Variants in CSRNP3 observed in about 807,000 individuals in gnomAD.
CSRNP3 encodes cysteine and serine rich nuclear protein 3, also known as cysteine/serine-rich nuclear protein 3.
CSRNP3 carries 12 observed loss-of-function variants against 48.0 expected under a neutral mutation model. The observed-to-expected ratio is 0.25, with a 90% confidence interval of 0.16 to 0.41. The LOEUF is 0.41. Among genes scored for constraint, CSRNP3 ranks in the 10% least tolerant of loss-of-function variants. The pLI, the probability that CSRNP3 is intolerant of heterozygous loss-of-function variation, is 1.00. For synonymous variants in CSRNP3, 263 were observed against 269.7 expected, an observed-to-expected ratio of 0.98 and a Z score of 0.24; for missense variants, 580 against 724.4, an observed-to-expected ratio of 0.80 and a Z score of 2.29.
intron 3 of CSRNP3, among the ~76,000 whole-genome samples, chr2:165,545,565 T>A (rs1339248505): frequency 6.6e-6 from 1 of 152,068 alleles, no homozygotes; most frequent in African/African-American, 2.4e-5. Context: ...ATGGAAAATA[T>A]GTAGAGAGGT....
In CSRNP3 at chr2:165,683,591, G is replaced by T. The variant is rs1687581358; in HGVS notation, c.*3838G>T. 1.3e-5 allele frequency: 2 copies of T among 152,022 alleles called. No homozygotes were observed. The highest frequency in any genetic ancestry group is 4.8e-5 in the African/African-American group (2 of 41,412). The allele number at this position is 152,022 out of a possible 1,614,324, so 9.4% of individuals were successfully genotyped here. A position where few individuals can be genotyped will look rare whatever the true frequency, so the allele number is the denominator to read the frequency against. On this transcript the variant is annotated 3_prime_UTR_variant, in exon 7 of 7. Transcript: ENST00000651982. ...TTCAATTTTTGATATTGTTGCACAA[G>T]TTTATGACTCTTTGGTCTTTATATT...
At position 165,669,800 on chromosome 2, in the gene CSRNP3, T is replaced by G. The variant is rs76751453; in HGVS notation, c.409-6512T>G. 8.5e-5 allele frequency among the ~76,000 whole-genome samples: 13 copies of G among 152,254 alleles called. No homozygotes were observed. In the East Asian group the frequency reaches 2.5e-3, roughly 29 times the overall value. ...CATTGAAACCAAGCATACACACATG[T>G]GCATGCGTGCCCACTCACACATGCC... On this transcript the variant is annotated intron_variant, in intron 5 of 6. Coordinates refer to ENST00000651982, the MANE Select transcript of CSRNP3 (RefSeq NM_001172173.2).
intron 1 of CSRNP3, among the ~76,000 whole-genome samples, chr2:165,493,207 TA>T (rs368855110): frequency 1.7e-3 from 242 of 144,554 alleles, no homozygotes; most frequent in African/African-American, 2.2e-3. Context: ...GCTACTTTAT[TA>T]AAAAAAAAAA....
At chr2:165,555,759 G>A (rs1018001264) in intron 3 of CSRNP3, among the ~76,000 whole-genome samples, 7 of 152,308 alleles carry the variant, frequency 4.6e-5, no homozygotes, top group African/African-American at 1.7e-4. Context: ...ATGTGAGTAG[G>A]CATTAGTCAG....
At chr2:165,611,361 A>ATG (rs1396724088) in intron 4 of CSRNP3, among the ~76,000 whole-genome samples, 7 of 45,206 alleles carry the variant, frequency 1.5e-4, no homozygotes, top group Non-Finnish European at 2.7e-4. Flanking sequence ...ATTTCACGAT[A>ATG]TATGTGTGTG....
At chr2:165,550,471 G>C (rs1196790659) in intron 3 of CSRNP3, among the ~76,000 whole-genome samples, 1 of 152,200 alleles carries the variant, frequency 6.6e-6, no homozygotes, top group Non-Finnish European at 1.5e-5. Flanking sequence ...AATTAGCTAA[G>C]AGTCATTGTC....
rs1687578253 is a variant in CSRNP3, at chr2:165,683,394, C to T, written c.*3641C>T. 6.6e-6 allele frequency: 1 copy of T among 151,908 alleles called. No individual in the cohort carries two copies. Among genetic ancestry groups the T allele is most frequent in the Non-Finnish European group, 1.5e-5 (1 of 67,942 alleles). The allele number at this position is 151,908 out of a possible 1,614,324, so 9.4% of individuals were successfully genotyped here. ...AAAAAAAAACTATGAGTTGCAAAAA[C>T]ACTAGTTACGAATTAATCAAGAAGC... On this transcript the variant is annotated 3_prime_UTR_variant, in exon 7 of 7. Coordinates refer to ENST00000651982, the MANE Select transcript of CSRNP3 (RefSeq NM_001172173.2).
At chr2:165,615,830 G>GA (rs1333784109) in intron 4 of CSRNP3, among the ~76,000 whole-genome samples, 1 of 149,788 alleles carries the variant, frequency 6.7e-6, no homozygotes, top group Admixed American at 6.6e-5. Context: ...GACCTCCTGG[G>GA]TTCCTGAGAA....
At chr2:165,507,309 A>T (rs1338402069) in intron 2 of CSRNP3, among the ~76,000 whole-genome samples, 1 of 152,142 alleles carries the variant, frequency 6.6e-6, no homozygotes, top group Admixed American at 6.5e-5. Flanking sequence ...TAATTTGTTA[A>T]AAGTCACAGA....
At chr2:165,514,351 G>C (rs1418628322) in intron 2 of CSRNP3, among the ~76,000 whole-genome samples, 1 of 152,230 alleles carries the variant, frequency 6.6e-6, no homozygotes, top group African/African-American at 2.4e-5. Flanking sequence ...AAAAATGGCA[G>C]TTCCCGCTGA....
chr2:165,505,367 A>G (rs893631315), intron 2 of CSRNP3, among the ~76,000 whole-genome samples: 3 of 152,200 alleles, frequency 2.0e-5, no homozygotes, highest in Non-Finnish European at 4.4e-5. Context: ...GGAGGCAAAT[A>G]GATACAGAAG....
rs192112787 is a variant in CSRNP3 at position 165,634,102 on chromosome 2, G to C, written c.149-23659G>C. ...ACCTGTAATCCCAACACTTTGGGAG[G>C]CCAAGGCAGGCGGATCTCTTGAGCC... On this transcript the variant is annotated intron_variant, in intron 4 of 6. Transcript: ENST00000651982. Among the ~76,000 whole-genome samples, 295 of 152,270 alleles carry C rather than the reference G, an allele frequency of 1.9e-3. 4 individuals are homozygous for C. The highest frequency in any genetic ancestry group is 3.2e-3 in the Non-Finnish European group (215 of 68,016).
In CSRNP3 at chr2:165,676,355, T is replaced by C. The variant is rs559756288; in HGVS notation, c.452T>C (p.Leu151Pro). The C allele has an allele frequency of 5.6e-6, 9 of 1,614,080 alleles. No individual in the cohort carries two copies. In the East Asian group the frequency reaches 1.8e-4, roughly 32 times the overall value. Reference protein sequence around the residue: ...GTVESEEASTLTLDDISDDDI... With the variant: ...GTVESEEASTPTLDDISDDDI... ...GTAGAATCAGAAGAAGCCAGCACTC[T>C]TACACTGGATGACATTTCTGATGAT... is the stretch of plus-strand genomic sequence containing the variant. Residue 151 changes from leucine (L) to proline (P), a missense_variant, in exon 6 of 7, where the codon CTT becomes CCT. Physicochemically the swap from Leu to Pro is moderately conservative, Grantham distance 98 (BLOSUM62 -3). This residue lies in a region of CSRNP3 where 62 missense variants were observed against 66.4 expected (regional missense o/e 0.93). Transcript: ENST00000651982.
chr2:165,585,766 G>A (rs563927813), intron 3 of CSRNP3, among the ~76,000 whole-genome samples: 1 of 152,274 alleles, frequency 6.6e-6, no homozygotes, highest in South Asian at 2.1e-4. Flanking sequence ...TAACATGCCT[G>A]TTGATCTAAA....
At chr2:165,552,070 C>T (rs1217632392) in intron 3 of CSRNP3, among the ~76,000 whole-genome samples, 2 of 152,188 alleles carry the variant, frequency 1.3e-5, no homozygotes, top group African/African-American at 2.4e-5. Flanking sequence ...ACATGGGGAA[C>T]CCAGGCTGCT....
chr2:165,628,118 C>G (rs1270731022), intron 4 of CSRNP3, among the ~76,000 whole-genome samples: 2 of 152,192 alleles, frequency 1.3e-5, no homozygotes, highest in Non-Finnish European at 2.9e-5. Context: ...CAGCCCTACT[C>G]TGGCATGATT....
intron 4 of CSRNP3, among the ~76,000 whole-genome samples, chr2:165,651,777 T>A (rs1558962307): frequency 6.6e-6 from 1 of 150,760 alleles, no homozygotes; most frequent in Non-Finnish European, 1.5e-5. Flanking sequence ...TGCCTCAGCC[T>A]CCCGAGTAGC....
At position 165,636,381 on chromosome 2, in the gene CSRNP3, G is replaced by A. The variant is rs1573934779; in HGVS notation, c.149-21380G>A. ...AGATTCTCTTTGAGTGAATAACATA[G>A]GAAGATGATCTGTATGTTTTCAGAG... On this transcript the variant is annotated intron_variant, in intron 4 of 6. Coordinates refer to ENST00000651982, the MANE Select transcript of CSRNP3 (RefSeq NM_001172173.2). Among the ~76,000 whole-genome samples the A allele has an allele frequency of 2.0e-5, 3 of 152,158 alleles. No individual in the cohort carries two copies. In the East Asian group the frequency reaches 5.8e-4, roughly 29 times the overall value.
intron 3 of CSRNP3, among the ~76,000 whole-genome samples, chr2:165,520,783 T>TTATATACATATATATATATA (rs1553472387): frequency 3.4e-5 from 1 of 29,730 alleles, no homozygotes; most frequent in African/African-American, 2.6e-4. Flanking sequence ...TATATATATA[T>TTATATACATATATATATATA]TATATATATA....
Sources: allele counts gnomAD v4.1 joint callset (sites outside exome capture counted in the v4.1 genomes callset), GRCh38; gene constraint gnomAD v4.1.1; regional missense constraint gnomAD v4.1.1; transcripts MANE v1.5; gene names NCBI Gene and HGNC (gene_info 2026-07-23, HGNC 2026-07-21).